PTPRE: variants seen among roughly 807,000 people sequenced by gnomAD.
PTPRE encodes the protein protein tyrosine phosphatase receptor type E.
PTPRE carries 51 observed loss-of-function variants against 102.0 expected under a neutral mutation model. That is an observed-to-expected ratio of 0.50 (90% CI 0.40 to 0.63). The LOEUF (loss-of-function observed/expected upper bound fraction) is 0.63, where lower values mean the gene tolerates loss of function less well. PTPRE is among the 30% of genes least tolerant of loss of function. The pLI is 0.00. For missense variants in PTPRE, 752 were observed against 915.1 expected (o/e 0.82, Z 2.30); for synonymous variants, 345 against 348.2 (o/e 0.99, Z 0.10).
At chr10:128,044,033 G>A in intron 3 of PTPRE, among the ~76,000 whole-genome samples, 1 of 152,212 alleles carries the variant, frequency 6.6e-6, no homozygotes, top group East Asian at 1.9e-4. Context: ...CCGTGAAGCT[G>A]TAGATGAAAC....
At chr10:128,048,637 C>G (rs1848295176) in intron 5 of PTPRE, among the ~76,000 whole-genome samples, 1 of 152,210 alleles carries the variant, frequency 6.6e-6, no homozygotes, top group South Asian at 2.1e-4. Flanking sequence ...GCACCAGGTG[C>G]TGTCTTCCTG....
At chr10:128,005,010 T>A (rs1854375317) in intron 2 of PTPRE, among the ~76,000 whole-genome samples, 1 of 152,230 alleles carries the variant, frequency 6.6e-6, no homozygotes, top group Admixed American at 6.5e-5. Flanking sequence ...CATCTTTTCA[T>A]GCACTTTCTG....
rs1848756172 is a variant in PTPRE, at chr10:128,054,005, C to A, written c.421-2118C>A. 2.0e-5 allele frequency among the ~76,000 whole-genome samples: 3 copies of A among 152,152 alleles called. No individual in the cohort carries two copies. In the South Asian group the frequency reaches 6.2e-4, roughly 32 times the overall value. Reference sequence around the variant, plus strand: ...TGAACTCCTGACCTCAGGTGATCCACCCGCCTCGACTTCCAAAGTGCTGGG... The same window carrying A: ...TGAACTCCTGACCTCAGGTGATCCAACCGCCTCGACTTCCAAAGTGCTGGG... On this transcript the variant is annotated intron_variant, in intron 6 of 20. Transcript: ENST00000254667.
intron 1 of PTPRE, among the ~76,000 whole-genome samples, chr10:127,972,166 G>T (rs1264978710): frequency 6.6e-6 from 1 of 152,154 alleles, no homozygotes; most frequent in Non-Finnish European, 1.5e-5. Flanking sequence ...GTCTGTGGTT[G>T]GCTGGGCAGT....
chr10:127,934,745 CT>C (rs1182805886), intron 1 of PTPRE: 1 of 152,332 alleles, frequency 6.6e-6, no homozygotes, highest in East Asian at 1.9e-4. Flanking sequence ...TGCCTGGGGG[CT>C]CTGGGCACTG....
At chr10:127,970,630 C>A (rs983625681) in intron 1 of PTPRE, among the ~76,000 whole-genome samples, 3 of 151,898 alleles carry the variant, frequency 2.0e-5, no homozygotes, top group Non-Finnish European at 4.4e-5. Context: ...ATGATGCCTA[C>A]GAACCTCCTA....
At chr10:127,987,205 A>T (rs531218986) in intron 2 of PTPRE, 1 of 573,270 alleles carries the variant, frequency 1.7e-6, no homozygotes, top group Non-Finnish European at 2.4e-6. Flanking sequence ...ATGGGCGTTA[A>T]TCAGTCACAG....
At chr10:128,061,857 TCACAC>T in intron 9 of PTPRE, 142 bp downstream of exon 9, 1 of 1,062,516 alleles carries the variant, frequency 9.4e-7, no homozygotes, top group Non-Finnish European at 1.3e-6. Flanking sequence ...AGATATCCAT[TCACAC>T]AACGGATATG....
At chr10:128,080,096 C>T (rs1223340368) in intron 20 of PTPRE, among the ~76,000 whole-genome samples, 6 of 151,834 alleles carry the variant, frequency 4.0e-5, no homozygotes, top group Non-Finnish European at 8.8e-5. Flanking sequence ...ATGTTATACT[C>T]GTCCATGTGG....
chr10:128,004,891 C>T (rs1049967135), intron 2 of PTPRE, among the ~76,000 whole-genome samples: 1 of 152,224 alleles, frequency 6.6e-6, no homozygotes, highest in East Asian at 1.9e-4. Context: ...TCCGTGCCAA[C>T]ACTGGGCTTC....
intron 1 of PTPRE, among the ~76,000 whole-genome samples, chr10:127,951,098 T>C (rs1457284962): frequency 1.3e-5 from 2 of 151,202 alleles, no homozygotes; most frequent in Non-Finnish European, 3.0e-5. Context: ...AATAAATAAA[T>C]AAATAAAGTG....
At chr10:128,046,812 C>A (rs1274994385) in intron 3 of PTPRE, among the ~76,000 whole-genome samples, 1 of 152,162 alleles carries the variant, frequency 6.6e-6, no homozygotes, top group Admixed American at 6.5e-5. Context: ...GGAAGGTCAA[C>A]CTGTCAGGTA....
At chr10:128,011,069 A>T (rs1589998486) in intron 2 of PTPRE, among the ~76,000 whole-genome samples, 1 of 152,310 alleles carries the variant, frequency 6.6e-6, no homozygotes, top group Middle Eastern at 3.4e-3. Flanking sequence ...ATATTTATGG[A>T]AGAATCGATT....
intron 2 of PTPRE, among the ~76,000 whole-genome samples, chr10:128,033,284 T>A (rs982200232): frequency 2.6e-5 from 4 of 152,368 alleles, no homozygotes; most frequent in Admixed American, 1.3e-4. Context: ...GAAGGTGAAG[T>A]GATAGCTGTT....
chr10:128,020,835 C>T (rs1845813166), intron 2 of PTPRE, among the ~76,000 whole-genome samples: 2 of 151,570 alleles, frequency 1.3e-5, no homozygotes, highest in Non-Finnish European at 2.9e-5. Context: ...TTAGAGGAAG[C>T]GGTGTGATTT....
rs149016927 is a variant in PTPRE at position 128,077,872 on chromosome 10, G to A, written c.1892+89G>A. 1.4e-3 allele frequency: 1,960 copies of A among 1,424,872 alleles called. 1 individual carries two copies. The highest frequency in any genetic ancestry group is 1.7e-3 in the Non-Finnish European group (1,857 of 1,063,218). 88.3% of individuals were successfully genotyped at this position (1,424,872 alleles called of 1,614,324 possible). Reference sequence around the variant, plus strand: ...CAGCTGTGGGCAGCAGAGCCTGGTCGCTGCCCCTGGCCATGGTATTCCCTA... The same window carrying A: ...CAGCTGTGGGCAGCAGAGCCTGGTCACTGCCCCTGGCCATGGTATTCCCTA... On this transcript the variant is annotated intron_variant, in intron 19 of 20. Coordinates refer to ENST00000254667, the MANE Select transcript of PTPRE (RefSeq NM_006504.6).
intron 1 of PTPRE, 137 bp from the exon 2 acceptor site, chr10:127,982,137 G>C (rs1851680394): frequency 2.7e-6 from 1 of 374,954 alleles, no homozygotes; most frequent in Non-Finnish European, 4.8e-6. Context: ...TCTAGATAAA[G>C]AGGTCTCCAG....
chr10:127,925,789 G>C (rs1846960123), intron 1 of PTPRE, among the ~76,000 whole-genome samples: 1 of 152,128 alleles, frequency 6.6e-6, no homozygotes, highest in Admixed American at 6.5e-5. Context: ...TTGGCGGAGG[G>C]AATGTGAGTG....
chr10:128,050,917 A>G (rs1387965069), intron 6 of PTPRE, among the ~76,000 whole-genome samples: 2 of 152,238 alleles, frequency 1.3e-5, no homozygotes, highest in East Asian at 1.9e-4. Context: ...GTGGTGGCCC[A>G]TGTAAACTGT....
Sources: gnomAD v4.1 joint callset for allele counts (sites outside exome capture counted in the v4.1 genomes callset) on GRCh38, gnomAD v4.1.1 for gene constraint, MANE v1.5 for transcripts, NCBI Gene and HGNC (gene_info 2026-07-23, HGNC 2026-07-21) for gene names.